KCND3: variants seen among roughly 807,000 people sequenced by gnomAD.
The protein encoded by KCND3 is A-type voltage-gated potassium channel KCND3.
Under a neutral mutation model 51.1 loss-of-function variants are expected in KCND3, and 9 were observed. The ratio of observed to expected loss-of-function variants is 0.18; its 90% CI spans 0.11 to 0.31. The LOEUF (loss-of-function observed/expected upper bound fraction) is 0.31, where lower values mean the gene tolerates loss of function less well. KCND3 is among the 10% of genes least tolerant of loss of function. The pLI, the probability that KCND3 is intolerant of heterozygous loss-of-function variation, is 1.00. For missense variants in KCND3, 526 were observed against 903.8 expected, an observed-to-expected ratio of 0.58 and a Z score of 5.36; for synonymous variants, 349 against 368.0, an observed-to-expected ratio of 0.95 and a Z score of 0.59.
At chr1:111,872,600 G>A (rs1668874787) in intron 2 of KCND3, among the ~76,000 whole-genome samples, 2 of 139,838 alleles carry the variant, frequency 1.4e-5, no homozygotes, top group Admixed American at 1.4e-4. Flanking sequence ...GGGAGAAAGA[G>A]TGTTTTTTTA....
At chr1:111,830,154 G>C (rs1325259264) in intron 2 of KCND3, among the ~76,000 whole-genome samples, 1 of 152,152 alleles carries the variant, frequency 6.6e-6, no homozygotes, top group Non-Finnish European at 1.5e-5. Flanking sequence ...TCTGTTCACT[G>C]TTATTCCCAG....
intron 2 of KCND3, among the ~76,000 whole-genome samples, chr1:111,874,337 A>G (rs548519547): frequency 6.6e-6 from 1 of 152,324 alleles, no homozygotes; most frequent in South Asian, 2.1e-4. Context: ...GAACATACAC[A>G]TTCAAATACG....
intron 2 of KCND3, among the ~76,000 whole-genome samples, chr1:111,831,382 T>C (rs1309747384): frequency 6.6e-6 from 1 of 152,120 alleles, no homozygotes; most frequent in African/African-American, 2.4e-5. Flanking sequence ...TCTCAGGAGA[T>C]CTGGTTGTTT....
intron 2 of KCND3, among the ~76,000 whole-genome samples, chr1:111,845,450 A>G (rs546571972): frequency 6.6e-6 from 1 of 152,160 alleles, no homozygotes; most frequent in South Asian, 2.1e-4. Flanking sequence ...CCAGCTACCT[A>G]TCCAGTAGCT....
intron 2 of KCND3, among the ~76,000 whole-genome samples, chr1:111,856,561 G>T (rs2101678759): frequency 6.6e-6 from 1 of 152,296 alleles, no homozygotes; most frequent in East Asian, 1.9e-4. Flanking sequence ...GCCTCCCTCA[G>T]GCCAGACCCC....
intron 2 of KCND3, among the ~76,000 whole-genome samples, chr1:111,927,959 T>C (rs2010749): frequency 0.4 from 59,893 of 151,564 alleles, 12,051 homozygotes; most frequent in African/African-American, 0.46. Flanking sequence ...TCCCTCAGCA[T>C]TTTGAGGTCA....
At chr1:111,818,040 G>GCACACACACACACACA (rs59035556) in intron 2 of KCND3, among the ~76,000 whole-genome samples, 3 of 148,074 alleles carry the variant, frequency 2.0e-5, no homozygotes, top group East Asian at 4.0e-4. Context: ...ACACGCGCGT[G>GCACACACACACACACA]CACACACACA....
chr1:111,927,525 TC>T (rs1478971856), intron 2 of KCND3, among the ~76,000 whole-genome samples: 5 of 152,238 alleles, frequency 3.3e-5, no homozygotes, highest in Non-Finnish European at 5.9e-5. Flanking sequence ...AAAGGGCAAG[TC>T]ACTACTTCCC....
chr1:111,967,148 A>AAAAAC (rs1557754430), intron 2 of KCND3, among the ~76,000 whole-genome samples: 1 of 151,196 alleles, frequency 6.6e-6, no homozygotes, highest in African/African-American at 2.4e-5. Flanking sequence ...CTCAAAAAAA[A>AAAAAC]AAAAACAAAA....
At position 111,869,497 on chromosome 1, in the gene KCND3, G is replaced by T. The variant is rs145143602; in HGVS notation, c.1107-82391C>A. On this transcript the variant is annotated intron_variant, in intron 2 of 7. Transcript: ENST00000302127. ...TATACTGGCCCACATATTCTTCCAG[G>T]GATTGGCCTAACTGGACAATAAATA... is the stretch of plus-strand genomic sequence containing the variant. Among the ~76,000 whole-genome samples, 206 of 152,274 alleles carry T rather than the reference G, an allele frequency of 1.4e-3. 1 individual carries two copies. Among genetic ancestry groups the T allele is most frequent in the African/African-American group, 4.8e-3 (199 of 41,540 alleles).
intron 2 of KCND3, among the ~76,000 whole-genome samples, chr1:111,950,157 TGCCTCA>T (rs1672989828): frequency 6.6e-6 from 1 of 152,230 alleles, no homozygotes; most frequent in Non-Finnish European, 1.5e-5. Flanking sequence ...GTGATCCACC[TGCCTCA>T]GCCTCCCGAA....
intron 2 of KCND3, among the ~76,000 whole-genome samples, chr1:111,796,320 C>CTGTGT: frequency 6.6e-6 from 1 of 151,978 alleles, no homozygotes; most frequent in Non-Finnish European, 1.5e-5. Flanking sequence ...AAGACACATG[C>CTGTGT]ATGTGAATGT....
intron 2 of KCND3, among the ~76,000 whole-genome samples, chr1:111,803,029 C>T (rs369071389): frequency 1.3e-5 from 2 of 152,240 alleles, no homozygotes. Flanking sequence ...GCTCCTCCTG[C>T]AGTCCTCAGC....
rs1663913983 is a variant in KCND3 at position 111,771,796 on chromosome 1, T to C, written c.*4281A>G. 1 of 152,232 alleles carries C rather than the reference T, an allele frequency of 6.6e-6. No individual in the cohort carries two copies. Among genetic ancestry groups the C allele is most frequent in the Non-Finnish European group, 1.5e-5 (1 of 68,036 alleles). The allele number at this position is 152,232 out of a possible 1,614,324, so 9.4% of individuals were successfully genotyped here. A position where few individuals can be genotyped will look rare whatever the true frequency, so the allele number is the denominator to read the frequency against. ...TCTGTGTGATTGTAAACTAATGTGT[T>C]CAACTGTCACTGAGAATATCTATTG... On this transcript the variant is annotated 3_prime_UTR_variant, in exon 8 of 8. Transcript: ENST00000302127.
intron 2 of KCND3, among the ~76,000 whole-genome samples, chr1:111,895,106 G>C (rs918829936): frequency 2.0e-5 from 3 of 149,298 alleles, no homozygotes; most frequent in Admixed American, 6.7e-5. Flanking sequence ...GGAAAAGGAG[G>C]GGAAGGAAGA....
In KCND3 at chr1:111,970,631, T is replaced by C. The variant is rs1674277435; in HGVS notation, c.1106+10990A>G. 2.6e-5 allele frequency among the ~76,000 whole-genome samples: 4 copies of C among 152,216 alleles called. No individual in the cohort carries two copies. In the South Asian group the frequency reaches 8.3e-4, roughly 32 times the overall value. On this transcript the variant is annotated intron_variant, in intron 2 of 7. Transcript: ENST00000302127. The stretch of plus-strand genomic sequence containing the variant: ...CTGTGAACACAGGCATTTCTCTTAC[T>C]GGACTAAAGCTCCTAATGAAGCCAG...
chr1:111,949,875 C>T (rs1358072064), intron 2 of KCND3, among the ~76,000 whole-genome samples: 1 of 152,194 alleles, frequency 6.6e-6, no homozygotes, highest in Non-Finnish European at 1.5e-5. Flanking sequence ...CACACACACA[C>T]ACTCAACATA....
intron 2 of KCND3, among the ~76,000 whole-genome samples, chr1:111,800,661 T>C (rs1571657801): frequency 6.6e-6 from 1 of 151,876 alleles, no homozygotes; most frequent in Non-Finnish European, 1.5e-5. Context: ...CAGAGTGTGG[T>C]CTACAAGGAC....
intron 2 of KCND3, among the ~76,000 whole-genome samples, chr1:111,861,603 T>C (rs637813): frequency 0.24 from 36,932 of 152,038 alleles, 4,924 homozygotes; most frequent in Non-Finnish European, 0.32. Flanking sequence ...CCACCGGCAG[T>C]GGAAGAGAAC....
Sources: gnomAD v4.1 joint callset for allele counts (sites outside exome capture counted in the v4.1 genomes callset) on GRCh38, gnomAD v4.1.1 for gene constraint, MANE v1.5 for transcripts, NCBI Gene and HGNC (gene_info 2026-07-23, HGNC 2026-07-21) for gene names.